NDE1: variants seen among roughly 807,000 people sequenced by gnomAD.
NDE1 encodes nuclear distribution protein nudE homolog 1.
In NDE1, 28 loss-of-function variants were observed where a neutral mutation model predicts 43.4. That is an observed-to-expected ratio of 0.65 (90% confidence interval 0.48 to 0.89). NDE1 has a LOEUF of 0.89. Among genes scored for constraint, NDE1 ranks in the 40% least tolerant of loss-of-function variants. The pLI is 0.00. For missense variants in NDE1, 441 were observed against 434.1 expected (o/e 1.02, Z -0.14); for synonymous variants, 184 against 172.0 (o/e 1.07, Z -0.55).
At chr16:15,709,471 T>C (rs915507088) in intron 8 of NDE1, among the ~76,000 whole-genome samples, 59 of 152,226 alleles carry the variant, frequency 3.9e-4, no homozygotes, top group African/African-American at 1.3e-3. Flanking sequence ...TGCACCACCG[T>C]GGCTGGCTAA....
rs769159646 is a variant in NDE1 at position 15,650,255 on chromosome 16, C to G, written c.-83C>G. The G allele has an allele frequency of 1.3e-5, 4 of 304,400 alleles. No individual in the cohort carries two copies. The highest frequency in any genetic ancestry group is 2.7e-5 in the Non-Finnish European group (4 of 148,056). 18.9% of individuals were successfully genotyped at this position (304,400 alleles called of 1,614,324 possible). On this transcript the variant is annotated 5_prime_UTR_variant, in exon 1 of 9. Transcript: ENST00000396354. ...GCCGCACCGCCCTTCGCAGCCGCCTCTGCCGCCGCCGCCGCGTTGGCCTCG... is the reference window on the plus strand; with the variant it reads ...GCCGCACCGCCCTTCGCAGCCGCCTGTGCCGCCGCCGCCGCGTTGGCCTCG...
intron 8 of NDE1, chr16:15,697,065 GTGAGACAGGGTCTCACTCTGTC>G: frequency 6.7e-7 from 1 of 1,483,884 alleles, no homozygotes; most frequent in Non-Finnish European, 8.9e-7. Flanking sequence ...GTCTTGTTTT[GTGAGACAGGGTCTCACTCTGTC>G]ACCTAGGCTA....
At chr16:15,677,625 C>T (rs1256629354) in intron 3 of NDE1, among the ~76,000 whole-genome samples, 176 bp from the exon 4 acceptor site, 1 of 151,578 alleles carries the variant, frequency 6.6e-6, no homozygotes. Context: ...GCTGTGTTGC[C>T]CAGGCTGGAG....
chr16:15,671,755 A>G (rs1412155643), intron 3 of NDE1, among the ~76,000 whole-genome samples: 1 of 151,956 alleles, frequency 6.6e-6, no homozygotes, highest in Non-Finnish European at 1.5e-5. Flanking sequence ...CAGTGGTGTG[A>G]TCTCAGCTCA....
chr16:15,699,381 T>G (rs1216031057), intron 8 of NDE1, among the ~76,000 whole-genome samples: 2 of 151,850 alleles, frequency 1.3e-5, no homozygotes, highest in African/African-American at 4.8e-5. Context: ...CACCTCAGCC[T>G]ACCAAGTAGC....
At chr16:15,716,102 AAAAAAT>A (rs759433793) in intron 8 of NDE1, among the ~76,000 whole-genome samples, 78 of 152,160 alleles carry the variant, frequency 5.1e-4, no homozygotes, top group Non-Finnish European at 8.7e-4. Context: ...CTATGTCTCA[AAAAAAT>A]AAAAATAAAA....
At chr16:15,694,648 C>T (rs966527888) in intron 7 of NDE1, 2 of 985,172 alleles carry the variant, frequency 2.0e-6, no homozygotes, top group African/African-American at 3.5e-5. Flanking sequence ...GCGTCCAGCC[C>T]CTTTCATAGC....
chr16:15,710,663 G>A (rs1477574608), intron 8 of NDE1, among the ~76,000 whole-genome samples: 3 of 152,010 alleles, frequency 2.0e-5, no homozygotes, highest in Non-Finnish European at 4.4e-5. Context: ...TGCCAGCAGA[G>A]CACATCTGAG....
Position 15,696,710 on chromosome 16 carries a change from C to T in NDE1, c.797C>T (p.Ala266Val). Reference protein sequence around the residue: ...IVGDLLRKVGALESKLASCRN... With the variant: ...IVGDLLRKVGVLESKLASCRN... Reference sequence around the variant, plus strand: ...AGATAAAAGTGTATTTCTGTCCAGGCACTGGAGTCCAAACTCGCTTCCTGC... The same window carrying T: ...AGATAAAAGTGTATTTCTGTCCAGGTACTGGAGTCCAAACTCGCTTCCTGC... Residue 266 changes from alanine (A) to valine (V), a missense_variant and splice_region_variant, in exon 8 of 9, where the codon GCA becomes GTA. Physicochemically the swap from Ala to Val is moderately conservative, Grantham distance 64. Coordinates refer to ENST00000396354, the MANE Select transcript of NDE1 (RefSeq NM_017668.3). 1.2e-6 allele frequency: 2 copies of T among 1,614,204 alleles called. No individual in the cohort carries two copies. The highest frequency in any genetic ancestry group is 1.7e-6 in the Non-Finnish European group (2 of 1,180,032).
At chr16:15,654,024 C>T (rs1380987791) in intron 1 of NDE1, among the ~76,000 whole-genome samples, 1 of 152,110 alleles carries the variant, frequency 6.6e-6, no homozygotes, top group Non-Finnish European at 1.5e-5. Context: ...AGCCACCACA[C>T]CCGGCCGGAA....
At chr16:15,721,873 T>C (rs2040505561) in intron 8 of NDE1, among the ~76,000 whole-genome samples, 1 of 152,032 alleles carries the variant, frequency 6.6e-6, no homozygotes, top group South Asian at 2.1e-4. Context: ...TGTTTGTTTG[T>C]TTTAGATGGA....
In NDE1 at chr16:15,725,372, C is replaced by G; in HGVS notation, c.*1121C>G. ...CAGACGAGGTGCTCTGGCTGGTCCA[C>G]TCTCTAAGGCTGGAGAAGGGAGACC... On this transcript the variant is annotated 3_prime_UTR_variant, in exon 9 of 9. Coordinates refer to ENST00000396354, the MANE Select transcript of NDE1 (RefSeq NM_017668.3). The G allele has an allele frequency of 1.8e-6, 1 of 541,470 alleles. No homozygotes were observed. Among genetic ancestry groups the G allele is most frequent in the Non-Finnish European group, 3.2e-6 (1 of 310,078 alleles). The allele number at this position is 541,470 out of a possible 1,614,324, so 33.5% of individuals were successfully genotyped here.
At chr16:15,681,982 G>C (rs1567643619) in intron 4 of NDE1, among the ~76,000 whole-genome samples, 1 of 152,286 alleles carries the variant, frequency 6.6e-6, no homozygotes, top group East Asian at 1.9e-4. Context: ...AGGGCCTTGT[G>C]CACTCCAAGG....
rs888562581 is a variant in NDE1, at chr16:15,725,662, G to A, written c.*1411G>A. Reference sequence around the variant, plus strand: ...GGCGGCAAAAGCCCTGCTCTCAACTGCATGTGAGAAAAAAACATCTCACTT... The same window carrying A: ...GGCGGCAAAAGCCCTGCTCTCAACTACATGTGAGAAAAAAACATCTCACTT... On this transcript the variant is annotated 3_prime_UTR_variant, in exon 9 of 9. Transcript: ENST00000396354. 10 of 399,174 alleles carry A rather than the reference G, an allele frequency of 2.5e-5. No individual in the cohort carries two copies. Among genetic ancestry groups the A allele is most frequent in the Non-Finnish European group, 4.4e-5 (10 of 226,524 alleles). The allele number at this position is 399,174 out of a possible 1,614,324, so 24.7% of individuals were successfully genotyped here.
At chr16:15,657,817 G>T (rs2036847317) in intron 1 of NDE1, among the ~76,000 whole-genome samples, 1 of 151,974 alleles carries the variant, frequency 6.6e-6, no homozygotes, top group African/African-American at 2.4e-5. Flanking sequence ...GCCCAGGCTG[G>T]TCTCAAACTC....
In NDE1 at chr16:15,719,241, A is replaced by G. The variant is rs2040336060; in HGVS notation, c.948-4950A>G. On this transcript the variant is annotated intron_variant, in intron 8 of 8. Transcript: ENST00000396354. The stretch of plus-strand genomic sequence containing the variant: ...CTACCTTCCCGACAGGCTACTGGCC[A>G]GCTCCTCTGCCAGTTCCTCCTTCTC... 1 of 1,613,692 alleles carries G rather than the reference A, an allele frequency of 6.2e-7. No individual in the cohort carries two copies.
chr16:15,726,108 C>T lies in NDE1; in HGVS notation c.*1857C>T. ...TCCTTAGGGAAGCCTTTCGTGGCTC[C>T]TCCTCCCCCAGGTTAGGCCCCCTGG... is the stretch of plus-strand genomic sequence containing the variant. On this transcript the variant is annotated 3_prime_UTR_variant, in exon 9 of 9. Transcript: ENST00000396354. 5.9e-6 allele frequency: 1 copy of T among 168,692 alleles called. No homozygotes were observed. The highest frequency in any genetic ancestry group is 1.3e-5 in the Non-Finnish European group (1 of 79,426). 10.4% of individuals were successfully genotyped at this position (168,692 alleles called of 1,614,324 possible).
In NDE1 at chr16:15,719,674, G is replaced by A. The variant is rs768569707; in HGVS notation, c.948-4517G>A. 71 of 1,614,018 alleles carry A rather than the reference G, an allele frequency of 4.4e-5. No homozygotes were observed. The highest frequency in any genetic ancestry group is 4.5e-5 in the East Asian group (2 of 44,888). On this transcript the variant is annotated intron_variant, in intron 8 of 8. Coordinates refer to ENST00000396354, the MANE Select transcript of NDE1 (RefSeq NM_017668.3). ...GCAAAGATCTCATCTCTGGAGGCACGGGCATCTTCCAGCTCTCTTTGAAAG... is the reference window on the plus strand; with the variant it reads ...GCAAAGATCTCATCTCTGGAGGCACAGGCATCTTCCAGCTCTCTTTGAAAG...
intron 1 of NDE1, among the ~76,000 whole-genome samples, chr16:15,661,234 C>T (rs1017225924): frequency 3.3e-5 from 5 of 151,324 alleles, no homozygotes; most frequent in Non-Finnish European, 4.4e-5. Context: ...CTGCAAGCTC[C>T]GCCTCCCGGG....
Sources: gnomAD v4.1 joint callset for allele counts (sites outside exome capture counted in the v4.1 genomes callset) on GRCh38, gnomAD v4.1.1 for gene constraint, MANE v1.5 for transcripts, NCBI Gene and HGNC (gene_info 2026-07-23, HGNC 2026-07-21) for gene names.